MYO3B: variants seen among roughly 807,000 people sequenced by gnomAD.
The protein encoded by MYO3B is myosin IIIB.
A neutral mutation model predicts 174.6 loss-of-function variants in MYO3B; 156 were observed. The observed-to-expected ratio is 0.89, with a 90% CI of 0.78 to 1.02. MYO3B has a LOEUF of 1.02. Ranked by LOEUF, MYO3B falls within the 50% of genes least tolerant of loss-of-function variation. The pLI is 0.00. For synonymous variants in MYO3B, 563 were observed against 569.1 expected, an observed-to-expected ratio of 0.99 and a Z score of 0.15; for missense variants, 1,632 against 1,639.4, an observed-to-expected ratio of 1.00 and a Z score of 0.08.
intron 22 of MYO3B, among the ~76,000 whole-genome samples, chr2:170,426,563 C>A (rs1364626961): frequency 6.6e-6 from 1 of 151,834 alleles, no homozygotes; most frequent in Non-Finnish European, 1.5e-5. Context: ...TAAATATAAT[C>A]TGTCTCTAGG....
At position 170,214,723 on chromosome 2, in the gene MYO3B, A is replaced by T; in HGVS notation, c.427-6A>T. ...TGTTGTTTGGTGGTGGTGGGATGCC[A>T]TGCAGGGCCTTCAGCATTTGCACAA... On this transcript the variant is annotated splice_region_variant and splice_polypyrimidine_tract_variant and intron_variant, in intron 4 of 34. Coordinates refer to ENST00000408978, the MANE Select transcript of MYO3B (RefSeq NM_138995.5). The T allele has an allele frequency of 6.2e-7, 1 of 1,613,284 alleles. No homozygotes were observed. The highest frequency in any genetic ancestry group is 8.5e-7 in the Non-Finnish European group (1 of 1,179,206).
intron 25 of MYO3B, among the ~76,000 whole-genome samples, chr2:170,482,816 A>G (rs1300673427): frequency 6.6e-6 from 1 of 152,248 alleles, no homozygotes; most frequent in African/African-American, 2.4e-5. Flanking sequence ...AGGAATAGGC[A>G]ATATCAGTCT....
intron 32 of MYO3B, among the ~76,000 whole-genome samples, chr2:170,603,761 C>A (rs1290525461): frequency 6.6e-6 from 1 of 152,174 alleles, no homozygotes; most frequent in African/African-American, 2.4e-5. Context: ...TCAGTAGAAA[C>A]TTGTTAACAT....
At chr2:170,546,493 A>G (rs1478589691) in intron 32 of MYO3B, among the ~76,000 whole-genome samples, 1 of 152,252 alleles carries the variant, frequency 6.6e-6, no homozygotes, top group Non-Finnish European at 1.5e-5. Flanking sequence ...GATATAGTGT[A>G]CTAGTGGAAG....
At chr2:170,445,186 A>G (rs2094831422) in intron 23 of MYO3B, among the ~76,000 whole-genome samples, 1 of 152,206 alleles carries the variant, frequency 6.6e-6, no homozygotes, top group Non-Finnish European at 1.5e-5. Context: ...ATTTTAAAAT[A>G]TAAAACAGTA....
intron 8 of MYO3B, chr2:170,345,054 G>C (rs1022921181): frequency 6.6e-6 from 1 of 152,212 alleles, no homozygotes; most frequent in African/African-American, 2.4e-5. Flanking sequence ...AAAGCTCCCA[G>C]CTTCTTGCCT....
At chr2:170,291,179 GC>G (rs1393394812) in intron 7 of MYO3B, among the ~76,000 whole-genome samples, 1 of 151,402 alleles carries the variant, frequency 6.6e-6, no homozygotes, top group Non-Finnish European at 1.5e-5. Flanking sequence ...AACCTGGGAG[GC>G]AGAAGCTGCA....
At chr2:170,572,907 A>G (rs1433271164) in intron 32 of MYO3B, among the ~76,000 whole-genome samples, 1 of 152,000 alleles carries the variant, frequency 6.6e-6, no homozygotes, top group Non-Finnish European at 1.5e-5. Context: ...TTTTTTCCCT[A>G]GTTATTCCTT....
chr2:170,608,017 G>A (rs1276735783), intron 32 of MYO3B, among the ~76,000 whole-genome samples: 2 of 152,274 alleles, frequency 1.3e-5, no homozygotes, highest in East Asian at 3.9e-4. Context: ...CACTTTTAAG[G>A]ATACCTATAG....
intron 8 of MYO3B, among the ~76,000 whole-genome samples, chr2:170,356,607 C>G (rs558137771): frequency 1.3e-5 from 2 of 151,970 alleles, no homozygotes; most frequent in East Asian, 3.9e-4. Context: ...GGTGATCCAC[C>G]CACCTCAGCC....
chr2:170,267,327 G>T (rs1012721363), intron 7 of MYO3B, among the ~76,000 whole-genome samples: 1 of 152,154 alleles, frequency 6.6e-6, no homozygotes, highest in Non-Finnish European at 1.5e-5. Context: ...CACAAGAGTG[G>T]CTTCCATTCC....
intron 7 of MYO3B, among the ~76,000 whole-genome samples, chr2:170,257,147 G>A (rs976903417): frequency 5.3e-5 from 8 of 152,080 alleles, no homozygotes; most frequent in East Asian, 3.9e-4. Flanking sequence ...CAATAATAGC[G>A]GGGGACTTCA....
intron 32 of MYO3B, among the ~76,000 whole-genome samples, chr2:170,641,797 G>T (rs1203263370): frequency 8.6e-6 from 1 of 116,724 alleles, no homozygotes; most frequent in African/African-American, 3.3e-5. Flanking sequence ...AACTCTAAAA[G>T]AAACATACTA....
At position 170,501,109 on chromosome 2, in the gene MYO3B, C is replaced by T. The variant is rs1392219849; in HGVS notation, c.3290-676C>T. ...GGAGGAACAAAGACATTATGCTCCT[C>T]GTGGGTGGCTTAATGCCCCAGTTTT... On this transcript the variant is annotated intron_variant, in intron 27 of 34. Coordinates refer to ENST00000408978, the MANE Select transcript of MYO3B (RefSeq NM_138995.5). Among the ~76,000 whole-genome samples, 4 of 151,794 alleles carry T rather than the reference C, an allele frequency of 2.6e-5. No individual in the cohort carries two copies. The East Asian group carries it at 7.7e-4, about 29-fold the overall frequency.
At chr2:170,423,713 T>C (rs2094637361) in intron 22 of MYO3B, among the ~76,000 whole-genome samples, 3 of 151,704 alleles carry the variant, frequency 2.0e-5, no homozygotes, top group African/African-American at 7.3e-5. Flanking sequence ...CCTGAGTAGC[T>C]GGGACTACAG....
At chr2:170,467,815 C>CAAA (rs33945733) in intron 25 of MYO3B, among the ~76,000 whole-genome samples, 37,008 of 109,664 alleles carry the variant, frequency 0.34, 5,820 homozygotes, top group Non-Finnish European at 0.44. Context: ...AAAGATAAGG[C>CAAA]AAAAAAAAAA....
At chr2:170,260,798 G>A (rs979513504) in intron 7 of MYO3B, among the ~76,000 whole-genome samples, 3 of 152,204 alleles carry the variant, frequency 2.0e-5, no homozygotes, top group African/African-American at 7.2e-5. Flanking sequence ...GGGACCTGGG[G>A]TGCTGGCAAT....
chr2:170,611,520 G>C (rs766509490), intron 32 of MYO3B, among the ~76,000 whole-genome samples: 1 of 152,266 alleles, frequency 6.6e-6, no homozygotes, highest in South Asian at 2.1e-4. Context: ...GGGACAGTGG[G>C]GACAGTGGGA....
Position 170,302,144 on chromosome 2 carries a change from G to T in MYO3B, c.750-33241G>T, listed in dbSNP as rs13416907. Among the ~76,000 whole-genome samples the T allele has an allele frequency of 2.8e-3, 421 of 152,072 alleles. 7 individuals carry two copies. Among genetic ancestry groups the T allele is most frequent in the African/African-American group, 9.7e-3 (403 of 41,476 alleles). ...ACCATAATGCTGCCATAGAGAATGA[G>T]GTCTGCATGACTTCTGATTTTAAAA... On this transcript the variant is annotated intron_variant, in intron 7 of 34. Coordinates refer to ENST00000408978, the MANE Select transcript of MYO3B (RefSeq NM_138995.5).
Sources: allele counts gnomAD v4.1 joint callset (sites outside exome capture counted in the v4.1 genomes callset), GRCh38; gene constraint gnomAD v4.1.1; transcripts MANE v1.5; gene names NCBI Gene and HGNC (gene_info 2026-07-23, HGNC 2026-07-21).